COL6A3: variants seen among roughly 807,000 people sequenced by gnomAD.
COL6A3 encodes collagen type VI alpha 3 chain, also known as collagen alpha-3(VI) chain.
In COL6A3, 137 loss-of-function variants were observed where a neutral mutation model predicts 274.1. The observed-to-expected ratio is 0.50, with a 90% CI of 0.44 to 0.58. COL6A3 has a LOEUF of 0.58. COL6A3 is among the 20% of genes least tolerant of loss of function. The pLI, the probability that COL6A3 is intolerant of heterozygous loss-of-function variation, is 0.00. For synonymous variants in COL6A3, 1,650 were observed against 1,650.6 expected (o/e 1.00, Z 0.01); for missense variants, 3,950 against 4,124.9 (o/e 0.96, Z 1.16).
At position 237,374,462 on chromosome 2, in the gene COL6A3, C is replaced by T. The variant is rs373324548; in HGVS notation, c.3629G>A (p.Arg1210His). 1.7e-5 allele frequency: 27 copies of T among 1,613,740 alleles called. No homozygotes were observed. The highest frequency in any genetic ancestry group is 3.3e-5 in the South Asian group (3 of 91,088). ...CGGCTGCAGCCTGCTCAGCTCCTCG[C>T]GGGTGAGCTGGGTCACCCTCTCAGA... ...VISERVTQLT[R>H]EELSRLQPVL... Residue 1210 changes from arginine (R) to histidine (H), a missense_variant, in exon 8 of 44, where the codon CGC (arginine) becomes CAC (histidine). Arg to His is a conservative substitution (Grantham distance 29, BLOSUM62 0). Transcript: ENST00000295550. This position sits in a 1 kb window ranked among gnomAD's most constrained non-coding sequence, Gnocchi z 4.8.
chr2:237,374,603 A>G lies in COL6A3; in HGVS notation c.3488T>C (p.Ile1163Thr), dbSNP rs1298219473. The G allele has an allele frequency of 2.5e-6, 4 of 1,614,062 alleles. No individual in the cohort carries two copies. Among genetic ancestry groups the G allele is most frequent in the African/African-American group, 1.3e-5 (1 of 74,932 alleles). The change falls in exon 8 of 44, where the codon ATT becomes ACT. Residue 1163 changes from isoleucine to threonine, a missense_variant. Physicochemically the swap from Ile to Thr is moderately conservative, Grantham distance 89. Around this residue, in one of 5 missense-constraint regions of COL6A3, gnomAD observed 1,934 missense variants for 1,984.3 expected, o/e 0.97. Transcript: ENST00000295550. The surrounding 1 kb of genome is among the most constrained non-coding windows in gnomAD (Gnocchi z 4.8). Reference sequence around the variant, plus strand: ...GTCAGCGTTCCCGATGCCAATGCCAATGGGCACAGCCCCACCCCTCTTCAC... The same window carrying G: ...GTCAGCGTTCCCGATGCCAATGCCAGTGGGCACAGCCCCACCCCTCTTCAC... Reference protein sequence around the residue: ...VVVKRGGAVPIGIGIGNADIT... With the variant: ...VVVKRGGAVPTGIGIGNADIT...
chr2:237,344,237 G>A lies in COL6A3; in HGVS notation c.7668+113C>T, dbSNP rs62184821. On this transcript the variant is annotated intron_variant, in intron 36 of 43. Transcript: ENST00000295550. This position sits in a 1 kb window ranked among gnomAD's most constrained non-coding sequence, Gnocchi z 4.8. ...TTCTCAGGCAGATGGCCTCATTGGG[G>A]ACGTTTTAGGAGCTATGGGACATGA... is the stretch of plus-strand genomic sequence containing the variant. 21 of 1,518,180 alleles carry A rather than the reference G, an allele frequency of 1.4e-5. No individual in the cohort carries two copies. The highest frequency in any genetic ancestry group is 1.8e-5 in the Non-Finnish European group (20 of 1,099,734). The allele number at this position is 1,518,180 out of a possible 1,614,324, so 94.0% of individuals were successfully genotyped here. A position where few individuals can be genotyped will look rare whatever the true frequency, so the allele number is the denominator to read the frequency against.
intron 42 of COL6A3, chr2:237,333,073 T>C: frequency 3.1e-6 from 1 of 322,704 alleles, no homozygotes; most frequent in Admixed American, 4.0e-5. Flanking sequence ...TCTTGTGTTC[T>C]TCTAAGCAGT....
chr2:237,373,020 T>C (rs1370733941), intron 8 of COL6A3, among the ~76,000 whole-genome samples: 1 of 152,060 alleles, frequency 6.6e-6, no homozygotes. Context: ...CGGGGACAGC[T>C]CTCTTTGGGT....
Position 237,371,492 on chromosome 2 carries a change from G to A in COL6A3, c.4285+240C>T. 1 of 742,564 alleles carries A rather than the reference G, an allele frequency of 1.3e-6. No individual in the cohort carries two copies. The highest frequency in any genetic ancestry group is 2.0e-6 in the Non-Finnish European group (1 of 505,184). The allele number at this position is 742,564 out of a possible 1,614,324, so 46.0% of individuals were successfully genotyped here. On this transcript the variant is annotated intron_variant, in intron 9 of 43. Transcript: ENST00000295550. This position sits in a 1 kb window ranked among gnomAD's most constrained non-coding sequence, Gnocchi z 4.3. The stretch of plus-strand genomic sequence containing the variant: ...ATGAACCTGTAGTCCTAGCTACTGA[G>A]GAGGCTGAAGTGGGAGGTTGGCTGG...
chr2:237,399,300 A>AG (rs2106394854), intron 1 of COL6A3, among the ~76,000 whole-genome samples: 1 of 152,308 alleles, frequency 6.6e-6, no homozygotes, highest in African/African-American at 2.4e-5. Context: ...ACCCTACCTC[A>AG]GGCAGGTGGT....
chr2:237,395,088 C>CTAAGGA lies in COL6A3; in HGVS notation c.202_207dup (p.Ser68_Leu69dup). 2.5e-6 allele frequency: 4 copies of CTAAGGA among 1,614,092 alleles called. No homozygotes were observed. Among genetic ancestry groups the CTAAGGA allele is most frequent in the Non-Finnish European group, 3.4e-6 (4 of 1,180,018 alleles). On this transcript the variant is annotated inframe_insertion, in exon 3 of 44. Coordinates refer to ENST00000295550, the MANE Select transcript of COL6A3 (RefSeq NM_004369.4). ...AAATGGAAATCATTTTCTCCCACAG[C>CTAAGGA]TAAGGATTTTACAACATCATATAGA...
At chr2:237,378,445 C>T (rs560961191) in intron 6 of COL6A3, among the ~76,000 whole-genome samples, 191 bp downstream of exon 6, 110 of 152,324 alleles carry the variant, frequency 7.2e-4, no homozygotes, top group Non-Finnish European at 1.4e-3. Flanking sequence ...GACTTTCCTT[C>T]GTGAACACCC....
intron 31 of COL6A3, 47 bp downstream of exon 31, chr2:237,347,760 C>T (rs1334646427): frequency 6.5e-7 from 1 of 1,532,534 alleles, no homozygotes. Context: ...CACATTGAGA[C>T]ATACGTTCTC....
At chr2:237,366,074 G>A (rs753120989) in intron 11 of COL6A3, 39 bp from the exon 12 acceptor site, 15 of 1,568,176 alleles carry the variant, frequency 9.6e-6, no homozygotes, top group East Asian at 2.2e-5. Flanking sequence ...TCTCAGCTGG[G>A]GCTGAGGAGA....
chr2:237,328,830 G>A (rs1039435685), intron 42 of COL6A3: 1 of 152,118 alleles, frequency 6.6e-6, no homozygotes, highest in Non-Finnish European at 1.5e-5. Flanking sequence ...AGACTGAGAG[G>A]TGTTTATGCT....
chr2:237,351,065 G>C, intron 27 of COL6A3, 65 bp downstream of exon 27: 1 of 1,467,538 alleles, frequency 6.8e-7, no homozygotes, highest in Non-Finnish European at 9.6e-7. Flanking sequence ...ACCAAAGAGG[G>C]AGAGGGGCAT....
intron 42 of COL6A3, 143 bp downstream of exon 42, chr2:237,333,307 G>T: frequency 1.4e-6 from 1 of 739,422 alleles, no homozygotes; most frequent in Non-Finnish European, 2.4e-6. Flanking sequence ...ATAAGATGAT[G>T]TTGGGCTGCA....
At position 237,377,048 on chromosome 2, in the gene COL6A3, C is replaced by A. The variant is rs112827048; in HGVS notation, c.2794G>T (p.Ala932Ser). 2 of 1,614,200 alleles carry A rather than the reference C, an allele frequency of 1.2e-6. No individual in the cohort carries two copies. Among genetic ancestry groups the A allele is most frequent in the Non-Finnish European group, 1.7e-6 (2 of 1,180,040 alleles). Reference sequence around the variant, plus strand: ...ACTCCATCCTCGATCCGGCTGCCAGCAGACTTCACAAAAATGTACCTCTGT... The same window carrying A: ...ACTCCATCCTCGATCCGGCTGCCAGAAGACTTCACAAAAATGTACCTCTGT... ...YAQRYIFVKSAGSRIEDGVLQ... is the reference protein window; with the variant it reads ...YAQRYIFVKSSGSRIEDGVLQ... The change falls in exon 7 of 44, where the codon GCT (alanine) becomes TCT (serine). Residue 932 changes from alanine to serine, a missense_variant. Ala to Ser is a moderately conservative substitution (Grantham distance 99). Around this residue, in one of 5 missense-constraint regions of COL6A3, gnomAD observed 1,934 missense variants for 1,984.3 expected, o/e 0.97. Coordinates refer to ENST00000295550, the MANE Select transcript of COL6A3 (RefSeq NM_004369.4).
At chr2:237,401,360 A>G (rs532819785) in intron 1 of COL6A3, among the ~76,000 whole-genome samples, 1 of 152,316 alleles carries the variant, frequency 6.6e-6, no homozygotes, top group South Asian at 2.1e-4. Context: ...AATAGATGAG[A>G]TGAATAAAGA....
chr2:237,346,631 T>C (rs1165027250), intron 31 of COL6A3, 66 bp from the exon 32 acceptor site: 8 of 1,447,376 alleles, frequency 5.5e-6, no homozygotes, highest in Admixed American at 3.4e-5. Flanking sequence ...GCTCCTATAG[T>C]TGGAAGGTAC....
At chr2:237,378,479 G>T (rs1224984096) in intron 6 of COL6A3, among the ~76,000 whole-genome samples, 157 bp downstream of exon 6, 1 of 152,214 alleles carries the variant, frequency 6.6e-6, no homozygotes, top group East Asian at 1.9e-4. Context: ...CAGCCTTGCT[G>T]GTACAGTGTC....
At chr2:237,330,754 A>G (rs1205476394) in intron 42 of COL6A3, among the ~76,000 whole-genome samples, 2 of 152,244 alleles carry the variant, frequency 1.3e-5, no homozygotes, top group South Asian at 2.1e-4. Flanking sequence ...ACAAGCATCT[A>G]TTCAATGTGA....
intron 3 of COL6A3, among the ~76,000 whole-genome samples, chr2:237,393,567 C>T (rs1390286696): frequency 6.6e-6 from 1 of 152,182 alleles, no homozygotes; most frequent in African/African-American, 2.4e-5. Context: ...CTGGATTCCT[C>T]TCTCATTTCC....
Sources: allele counts gnomAD v4.1 joint callset (sites outside exome capture counted in the v4.1 genomes callset), GRCh38; gene constraint gnomAD v4.1.1; regional missense constraint gnomAD v4.1.1; non-coding constraint Gnocchi (gnomAD v3.1); transcripts MANE v1.5; gene names NCBI Gene and HGNC (gene_info 2026-07-23, HGNC 2026-07-21).